CWC27: variants seen among roughly 807,000 people sequenced by gnomAD.
CWC27 encodes the protein spliceosome-associated protein CWC27 homolog.
A neutral mutation model predicts 63.6 loss-of-function variants in CWC27; 47 were observed. The observed-to-expected ratio is 0.74, with a 90% CI of 0.58 to 0.94. CWC27 has a LOEUF of 0.94. CWC27 is among the 40% of genes least tolerant of loss of function. The pLI is 0.00. For synonymous variants in CWC27, 175 were observed against 179.8 expected (o/e 0.97, Z 0.22); for missense variants, 495 against 554.3 (o/e 0.89, Z 1.07).
At chr5:64,930,780 A>G (rs928560340) in intron 11 of CWC27, among the ~76,000 whole-genome samples, 1 of 152,128 alleles carries the variant, frequency 6.6e-6, no homozygotes, top group Admixed American at 6.6e-5. Flanking sequence ...AACATCCACA[A>G]TGAGAAGCGT....
intron 10 of CWC27, among the ~76,000 whole-genome samples, chr5:64,817,852 T>G (rs1745086873): frequency 6.6e-6 from 1 of 152,168 alleles, no homozygotes; most frequent in South Asian, 2.1e-4. Context: ...ATGTGAGTGT[T>G]AAGCCTTCAG....
intron 13 of CWC27, among the ~76,000 whole-genome samples, chr5:64,999,489 C>T (rs777641253): frequency 2.7e-4 from 41 of 152,040 alleles, no homozygotes; most frequent in Non-Finnish European, 5.2e-4. Flanking sequence ...TTTATCCTCT[C>T]CACACCACCC....
chr5:64,804,521 A>ATAACAGT, intron 10 of CWC27, 135 bp downstream of exon 10: 1 of 930,416 alleles, frequency 1.1e-6, no homozygotes, highest in South Asian at 2.4e-5. Flanking sequence ...AGTTGTACAA[A>ATAACAGT]TTGGCCCATT....
chr5:64,839,679 C>T (rs73101359), intron 10 of CWC27, among the ~76,000 whole-genome samples: 1,867 of 152,182 alleles, frequency 0.012, 33 homozygotes, highest in African/African-American at 0.04. Context: ...CAGACTATTT[C>T]GGCTTTCTTT....
intron 10 of CWC27, among the ~76,000 whole-genome samples, chr5:64,819,667 CTGT>C: frequency 6.6e-6 from 1 of 152,168 alleles, no homozygotes; most frequent in Non-Finnish European, 1.5e-5. Flanking sequence ...CCATGTGAAA[CTGT>C]GAGTCAGTTA....
intron 11 of CWC27, among the ~76,000 whole-genome samples, chr5:64,897,848 A>G (rs2087097748): frequency 6.6e-6 from 1 of 152,210 alleles, no homozygotes; most frequent in African/African-American, 2.4e-5. Context: ...GGAAAATGTA[A>G]TAATCCCTAA....
intron 10 of CWC27, among the ~76,000 whole-genome samples, chr5:64,829,854 T>C (rs924268100): frequency 6.6e-6 from 1 of 151,780 alleles, no homozygotes; most frequent in Non-Finnish European, 1.5e-5. Flanking sequence ...CCATGTGTTA[T>C]CATTGTTCAA....
At chr5:64,929,499 A>G (rs1748192771) in intron 11 of CWC27, among the ~76,000 whole-genome samples, 1 of 152,192 alleles carries the variant, frequency 6.6e-6, no homozygotes. Flanking sequence ...ATAATTGAGA[A>G]CACACAACTC....
At chr5:65,013,385 A>G (rs1205074557) in intron 13 of CWC27, among the ~76,000 whole-genome samples, 1 of 152,238 alleles carries the variant, frequency 6.6e-6, no homozygotes, top group African/African-American at 2.4e-5. Flanking sequence ...AGGCCTGACC[A>G]GTACAAAGGG....
chr5:64,942,427 C>A (rs1205045306), intron 11 of CWC27, among the ~76,000 whole-genome samples: 1 of 131,076 alleles, frequency 7.6e-6, no homozygotes, highest in Non-Finnish European at 1.5e-5. Flanking sequence ...CAGAGCAAGA[C>A]CCTATCTCTT....
chr5:64,793,281 C>T (rs1049070301), intron 7 of CWC27, among the ~76,000 whole-genome samples: 1 of 152,084 alleles, frequency 6.6e-6, no homozygotes, highest in African/African-American at 2.4e-5. Flanking sequence ...GATCTTGGCA[C>T]ACTGCAGAAT....
At chr5:64,773,470 G>A (rs2112140362) in intron 1 of CWC27, among the ~76,000 whole-genome samples, 1 of 152,334 alleles carries the variant, frequency 6.6e-6, no homozygotes, top group East Asian at 1.9e-4. Flanking sequence ...TAAATAGGGA[G>A]TGACTGCTAA....
At chr5:64,818,786 C>T (rs1402696120) in intron 10 of CWC27, among the ~76,000 whole-genome samples, 1 of 152,200 alleles carries the variant, frequency 6.6e-6, no homozygotes, top group African/African-American at 2.4e-5. Flanking sequence ...ACCAGGATAA[C>T]ATTGCAGTTA....
chr5:65,014,192 A>G (rs1750011700), intron 13 of CWC27, among the ~76,000 whole-genome samples: 2 of 106,904 alleles, frequency 1.9e-5, no homozygotes, highest in African/African-American at 3.8e-5. Flanking sequence ...CCATATTTTA[A>G]CATACTATAT....
intron 10 of CWC27, among the ~76,000 whole-genome samples, chr5:64,856,468 A>ATGTGTG (rs10640210): frequency 0.36 from 53,438 of 149,576 alleles, 9,789 homozygotes; most frequent in East Asian, 0.49. Flanking sequence ...GTGTGTGTGT[A>ATGTGTG]TGTGTGTGTG....
chr5:64,938,289 A>G (rs901497107), intron 11 of CWC27, among the ~76,000 whole-genome samples: 5 of 152,052 alleles, frequency 3.3e-5, no homozygotes, highest in Non-Finnish European at 7.4e-5. Context: ...AGCTCTTGTA[A>G]GGCAGGCCTG....
At position 64,774,605 on chromosome 5, in the gene CWC27, A is replaced by T. The variant is rs548261015; in HGVS notation, c.43-86A>T. The T allele has an allele frequency of 1.3e-5, 9 of 713,798 alleles. No homozygotes were observed. The South Asian group carries it at 2.3e-4, about 18-fold the overall frequency. The allele number at this position is 713,798 out of a possible 1,614,324, so 44.2% of individuals were successfully genotyped here. ...ATATTTCTTTTAAAATTGAAAACTC[A>T]CTAGTGATTGCTACAAGTCAAATAG... is the stretch of plus-strand genomic sequence containing the variant. On this transcript the variant is annotated intron_variant, in intron 1 of 13. Coordinates refer to ENST00000381070, the MANE Select transcript of CWC27 (RefSeq NM_005869.4).
intron 11 of CWC27, among the ~76,000 whole-genome samples, chr5:64,914,861 CAG>C (rs1209074120): frequency 6.6e-6 from 1 of 152,038 alleles, no homozygotes; most frequent in African/African-American, 2.4e-5. Flanking sequence ...CTATCATCAA[CAG>C]AGTGGTAAAA....
intron 10 of CWC27, among the ~76,000 whole-genome samples, chr5:64,824,237 A>G (rs1745294913): frequency 6.6e-6 from 1 of 152,238 alleles, no homozygotes. Context: ...ACTAAAGAAA[A>G]CAAACATAAA....
Sources: allele counts gnomAD v4.1 joint callset (sites outside exome capture counted in the v4.1 genomes callset), GRCh38; gene constraint gnomAD v4.1.1; transcripts MANE v1.5; gene names NCBI Gene and HGNC (gene_info 2026-07-23, HGNC 2026-07-21).